The following SUGCT variants were observed in gnomAD, a reference collection of about 807,000 sequenced individuals.
SUGCT encodes succinyl-CoA:glutarate CoA-transferase.
SUGCT carries 41 observed loss-of-function variants against 55.0 expected under a neutral mutation model. The observed-to-expected ratio is 0.74, with a 90% CI of 0.58 to 0.97. SUGCT has a LOEUF of 0.97. Among genes scored for constraint, SUGCT ranks in the 50% least tolerant of loss-of-function variants. The probability of loss-of-function intolerance (pLI) is 0.00; values close to 1 mark genes in which losing one functional copy is unlikely to be tolerated. For synonymous variants in SUGCT, 187 were observed against 200.4 expected, an observed-to-expected ratio of 0.93 and a Z score of 0.56; for missense variants, 568 against 547.8, an observed-to-expected ratio of 1.04 and a Z score of -0.37.
At chr7:40,593,583 G>A (rs1000837583) in intron 12 of SUGCT, among the ~76,000 whole-genome samples, 1 of 152,182 alleles carries the variant, frequency 6.6e-6, no homozygotes, top group Non-Finnish European at 1.5e-5. Flanking sequence ...GCTTATGCCT[G>A]TAATCCCAGC....
Position 40,476,206 on chromosome 7 carries a change from T to G in SUGCT, c.986+17008T>G, listed in dbSNP as rs564480273. ...CTGTGTCTATGTCTATGTAAAGTAC[T>G]TAAAACAGTGCCTTACACATAGTAT... On this transcript the variant is annotated intron_variant, in intron 11 of 13. Transcript: ENST00000335693. Among the ~76,000 whole-genome samples, 59 of 152,302 alleles carry G rather than the reference T, an allele frequency of 3.9e-4. No individual in the cohort carries two copies. The South Asian group carries it at 0.011, about 29-fold the overall frequency.
chr7:40,836,390 G>A (rs529740011), intron 13 of SUGCT, among the ~76,000 whole-genome samples: 63 of 152,248 alleles, frequency 4.1e-4, no homozygotes, highest in Admixed American at 6.5e-4. Context: ...AACACCTTGC[G>A]TAACTATATC....
intron 12 of SUGCT, among the ~76,000 whole-genome samples, chr7:40,666,717 A>G (rs915901353): frequency 4.6e-5 from 7 of 152,112 alleles, no homozygotes; most frequent in African/African-American, 9.7e-5. Flanking sequence ...CCAACACTGC[A>G]TAGGAAAGGA....
intron 9 of SUGCT, among the ~76,000 whole-genome samples, chr7:40,390,010 A>G (rs1426777842): frequency 6.6e-6 from 1 of 152,232 alleles, no homozygotes; most frequent in Non-Finnish European, 1.5e-5. Flanking sequence ...AATCCATCAT[A>G]TAAACAGAAC....
rs149171765 is a variant in SUGCT, at chr7:40,762,106, G to A, written c.1153+12609G>A. On this transcript the variant is annotated intron_variant, in intron 13 of 13. Transcript: ENST00000335693. ...AGGAAAGGCATTAATAATGGAAATG[G>A]ATTGAAGGTAACACTGACGTGCAGA... Among the ~76,000 whole-genome samples the A allele has an allele frequency of 3.3e-5, 5 of 152,326 alleles. No homozygotes were observed. The East Asian group carries it at 9.6e-4, about 29-fold the overall frequency.
At chr7:40,690,040 C>G (rs1784625442) in intron 12 of SUGCT, among the ~76,000 whole-genome samples, 1 of 152,172 alleles carries the variant, frequency 6.6e-6, no homozygotes, top group Admixed American at 6.5e-5. Context: ...CACCATACTA[C>G]AAAGAATTTC....
intron 12 of SUGCT, among the ~76,000 whole-genome samples, chr7:40,650,722 T>A (rs1367639077): frequency 6.6e-6 from 1 of 152,232 alleles, no homozygotes; most frequent in Admixed American, 6.5e-5. Context: ...TGTACTTTTT[T>A]ATTTTAAGTT....
At chr7:40,906,115 G>C in the SUGCT span, among the ~76,000 whole-genome samples, 1 of 150,686 alleles carries the variant, frequency 6.6e-6, no homozygotes. Flanking sequence ...TTCCAGAGCT[G>C]TTTTTTGTTT....
chr7:40,811,139 T>A (rs2128757653), intron 13 of SUGCT, among the ~76,000 whole-genome samples: 1 of 152,334 alleles, frequency 6.6e-6, no homozygotes, highest in Middle Eastern at 3.4e-3. Context: ...TTTGTACCAA[T>A]ACCATGCTGT....
At chr7:40,654,183 A>T (rs1413212152) in intron 12 of SUGCT, among the ~76,000 whole-genome samples, 2 of 152,160 alleles carry the variant, frequency 1.3e-5, no homozygotes, top group Non-Finnish European at 2.9e-5. Flanking sequence ...CAACAGGGAG[A>T]TGGATAGAGT....
chr7:40,939,865 G>A, the SUGCT span, among the ~76,000 whole-genome samples: 3 of 149,442 alleles, frequency 2.0e-5, no homozygotes, highest in Non-Finnish European at 3.0e-5. Context: ...CTTTTGCTGT[G>A]GAGAAGCTTT....
the SUGCT span, among the ~76,000 whole-genome samples, chr7:40,888,448 CAAA>C: frequency 1.6e-5 from 2 of 124,404 alleles, no homozygotes; most frequent in African/African-American, 2.9e-5. Flanking sequence ...AGACTCCATC[CAAA>C]AAAAAAAAAA....
chr7:40,533,488 G>T (rs1794201023), intron 12 of SUGCT, among the ~76,000 whole-genome samples: 1 of 151,262 alleles, frequency 6.6e-6, no homozygotes, highest in East Asian at 1.9e-4. Context: ...GACTTTTTTT[G>T]CATTTGGAGA....
downstream of SUGCT, among the ~76,000 whole-genome samples, chr7:40,863,867 T>A (rs955621174): frequency 6.6e-6 from 1 of 152,002 alleles, no homozygotes; most frequent in African/African-American, 2.4e-5. Flanking sequence ...TCTTCCTGCT[T>A]GATCTAGTGG....
chr7:40,897,711 G>C, the SUGCT span, among the ~76,000 whole-genome samples: 1 of 152,182 alleles, frequency 6.6e-6, no homozygotes, highest in East Asian at 1.9e-4. Context: ...AATGAGAGGT[G>C]AAGCCAGCTG....
chr7:40,748,614 T>G (rs1054661053), intron 12 of SUGCT, among the ~76,000 whole-genome samples: 6 of 151,756 alleles, frequency 4.0e-5, no homozygotes, highest in Non-Finnish European at 5.9e-5. Flanking sequence ...TATAAAAATA[T>G]ACTTATTGTT....
intron 9 of SUGCT, among the ~76,000 whole-genome samples, chr7:40,341,596 T>C (rs1010333765): frequency 1.1e-4 from 16 of 152,290 alleles, no homozygotes; most frequent in African/African-American, 2.9e-4. Context: ...AGTAAAATTA[T>C]AAATCAACTG....
intron 12 of SUGCT, among the ~76,000 whole-genome samples, chr7:40,697,467 T>C (rs1236231750): frequency 6.6e-6 from 1 of 152,140 alleles, no homozygotes; most frequent in East Asian, 1.9e-4. Context: ...AAACCCCATC[T>C]CTACTAAAAA....
At chr7:40,500,749 T>G (rs1033912962) in intron 12 of SUGCT, among the ~76,000 whole-genome samples, 6 of 152,148 alleles carry the variant, frequency 3.9e-5, no homozygotes, top group Admixed American at 6.6e-5. Context: ...TTTAGCACAT[T>G]TTGGCAAAAT....
Sources: allele counts gnomAD v4.1 joint callset (sites outside exome capture counted in the v4.1 genomes callset), GRCh38; gene constraint gnomAD v4.1.1; transcripts MANE v1.5; gene names NCBI Gene and HGNC (gene_info 2026-07-23, HGNC 2026-07-21).